Variants in COL6A5 observed in about 807,000 individuals in gnomAD.
The protein encoded by COL6A5 is collagen type VI alpha 5 chain.
COL6A5 carries 48 observed loss-of-function variants against 65.6 expected under a neutral mutation model. That is an observed-to-expected ratio of 0.73 (90% CI 0.58 to 0.93). The LOEUF (loss-of-function observed/expected upper bound fraction) is 0.93. Among genes scored for constraint, COL6A5 ranks in the 40% least tolerant of loss-of-function variants. The pLI, the probability that COL6A5 is intolerant of heterozygous loss-of-function variation, is 0.00. For missense variants in COL6A5, 914 were observed against 928.3 expected, an observed-to-expected ratio of 0.98 and a Z score of 0.20; for synonymous variants, 291 against 322.8, an observed-to-expected ratio of 0.90 and a Z score of 1.05.
intron 7 of COL6A5, among the ~76,000 whole-genome samples, chr3:130,471,392 G>A (rs1050738242): frequency 6.6e-6 from 1 of 152,060 alleles, no homozygotes; most frequent in Non-Finnish European, 1.5e-5. Flanking sequence ...AGATTGGCAG[G>A]AAGGATTCTT....
At chr3:130,403,506 C>A in intron 12 of COL6A5, 103 bp from the exon 13 acceptor site, 1 of 975,518 alleles carries the variant, frequency 1.0e-6, no homozygotes, top group African/African-American at 1.6e-5. Context: ...GAAACTGCAA[C>A]CAAGTTGGAG....
At chr3:130,426,331 G>A (rs9859372) in intron 30 of COL6A5, 36 bp from the exon 31 acceptor site, 308,767 of 1,550,596 alleles carry the variant, frequency 0.2, 32,136 homozygotes, top group South Asian at 0.3. Context: ...CACTGTACTT[G>A]CATTTCTTTT....
intron 4 of COL6A5, among the ~76,000 whole-genome samples, chr3:130,453,947 C>T (rs1709506958): frequency 6.6e-6 from 1 of 152,126 alleles, no homozygotes; most frequent in Non-Finnish European, 1.5e-5. Context: ...TTCTGAAGGA[C>T]GATGTGGCAC....
At chr3:130,403,862 T>C (rs1236676937) in intron 13 of COL6A5, among the ~76,000 whole-genome samples, 200 bp downstream of exon 13, 2 of 152,240 alleles carry the variant, frequency 1.3e-5, no homozygotes, top group African/African-American at 4.8e-5. Flanking sequence ...TTGTGCTTTT[T>C]TGTGGGAAGA....
intron 4 of COL6A5, among the ~76,000 whole-genome samples, chr3:130,448,881 C>A (rs2173189): frequency 0.83 from 126,436 of 152,180 alleles, 54,106 homozygotes; most frequent in Non-Finnish European, 0.93. Flanking sequence ...AATATGAAAA[C>A]AGCAATCTTT....
upstream of COL6A5, among the ~76,000 whole-genome samples, chr3:130,428,770 A>G (rs1937669765): frequency 6.6e-6 from 1 of 152,204 alleles, no homozygotes; most frequent in Non-Finnish European, 1.5e-5. Context: ...CCCAGGGGCC[A>G]TGGGGTTAAG....
intron 1 of COL6A5, among the ~76,000 whole-genome samples, chr3:130,362,113 G>A (rs925555773): frequency 4.0e-5 from 6 of 151,290 alleles, no homozygotes; most frequent in African/African-American, 7.3e-5. Context: ...CTTTGGTGTT[G>A]TATTTCATAA....
intron 4 of COL6A5, among the ~76,000 whole-genome samples, chr3:130,382,186 A>C (rs1348249116): frequency 6.6e-6 from 1 of 152,094 alleles, no homozygotes; most frequent in Non-Finnish European, 1.5e-5. Flanking sequence ...GATAGTGTAT[A>C]TCAAGCACCA....
intron 5 of COL6A5, among the ~76,000 whole-genome samples, 153 bp from the exon 6 acceptor site, chr3:130,388,427 C>T (rs1029714567): frequency 6.6e-6 from 1 of 152,098 alleles, no homozygotes; most frequent in African/African-American, 2.4e-5. Flanking sequence ...CCAGCTTCTA[C>T]TAAAGAAGCA....
intron 5 of COL6A5, among the ~76,000 whole-genome samples, chr3:130,467,075 A>T (rs1709835266): frequency 6.6e-6 from 1 of 152,032 alleles, no homozygotes; most frequent in African/African-American, 2.4e-5. Flanking sequence ...AAGAAAAGGG[A>T]ATATTTCACA....
At chr3:130,397,658 C>T (rs1175975776) in exon 9 of COL6A5, 1 of 1,550,570 alleles carries the variant, frequency 6.4e-7, no homozygotes, top group Admixed American at 2.0e-5. Context: ...CAGGGCCACC[C>T]CCAGCTGGAA....
chr3:130,411,407 A>G (rs1294521660), intron 20 of COL6A5, among the ~76,000 whole-genome samples: 1 of 152,172 alleles, frequency 6.6e-6, no homozygotes, highest in Non-Finnish European at 1.5e-5. Context: ...GAATCTTATT[A>G]TTTTGAAGGC....
At chr3:130,345,763 G>A (rs1559849016) in exon 1 of COL6A5, 2 of 398,770 alleles carry the variant, frequency 5.0e-6, no homozygotes. Context: ...GACCCTCTCA[G>A]GGCACGAGGC....
chr3:130,376,282 C>G (rs1459438919), exon 3 of COL6A5: 3 of 1,612,370 alleles, frequency 1.9e-6, no homozygotes. Flanking sequence ...GTGGACAGCT[C>G]CGATCACCTG....
At chr3:130,363,568 T>C (rs1005970828) in intron 1 of COL6A5, among the ~76,000 whole-genome samples, 3 of 152,242 alleles carry the variant, frequency 2.0e-5, no homozygotes, top group Non-Finnish European at 4.4e-5. Context: ...GGTTGAGTTC[T>C]GGTGAAATAG....
chr3:130,414,996 G>A (rs1937295443), intron 22 of COL6A5, among the ~76,000 whole-genome samples: 1 of 152,056 alleles, frequency 6.6e-6, no homozygotes. Context: ...GGGTGGCAAT[G>A]ACAGTTACTT....
chr3:130,444,339 C>G (rs1017510522), intron 4 of COL6A5, among the ~76,000 whole-genome samples: 1 of 152,004 alleles, frequency 6.6e-6, no homozygotes, highest in African/African-American at 2.4e-5. Context: ...AAAGTAAAGA[C>G]AGGCATAGGA....
At chr3:130,460,791 A>G (rs1334274397) in intron 5 of COL6A5, among the ~76,000 whole-genome samples, 2 of 151,184 alleles carry the variant, frequency 1.3e-5, no homozygotes, top group African/African-American at 4.9e-5. Flanking sequence ...TGGAGATAAA[A>G]GTATGAAGGT....
intron 4 of COL6A5, 23 bp from the exon 5 acceptor site, chr3:130,384,781 C>T: frequency 6.7e-7 from 1 of 1,492,364 alleles, no homozygotes; most frequent in Non-Finnish European, 8.9e-7. Flanking sequence ...CTCTAATTTA[C>T]AGAGAATGCA....
Sources: allele counts gnomAD v4.1 joint callset (sites outside exome capture counted in the v4.1 genomes callset), GRCh38; gene constraint gnomAD v4.1.1; transcripts MANE v1.5; gene names NCBI Gene and HGNC (gene_info 2026-07-23, HGNC 2026-07-21).